Variants in ZC3H12B observed in about 807,000 individuals in gnomAD.
ZC3H12B encodes zinc finger CCCH-type containing 12B, also known as probable ribonuclease ZC3H12B.
Under a neutral mutation model 43.9 loss-of-function variants are expected in ZC3H12B, and 7 were observed. That is an observed-to-expected ratio of 0.16 (90% CI 0.09 to 0.30). The LOEUF (loss-of-function observed/expected upper bound fraction) is 0.30. Ranked by LOEUF, ZC3H12B falls within the 10% of genes least tolerant of loss-of-function variation. The pLI, the probability that ZC3H12B is intolerant of heterozygous loss-of-function variation, is 1.00. For synonymous variants in ZC3H12B, 222 were observed against 241.7 expected (o/e 0.92, Z 0.76); for missense variants, 475 against 670.2 (o/e 0.71, Z 3.22).
the ZC3H12B span, among the ~76,000 whole-genome samples, chrX:65,290,992 C>A: frequency 9.0e-6 from 1 of 111,123 alleles, no homozygotes; most frequent in East Asian, 2.8e-4. Flanking sequence ...GATGGACATG[C>A]TAAATACCGT....
the ZC3H12B span, among the ~76,000 whole-genome samples, chrX:65,164,193 C>T: frequency 1.8e-5 from 2 of 111,105 alleles, no homozygotes; most frequent in East Asian, 5.7e-4. Context: ...TTTTGGTGGC[C>T]AGGGACTAGG....
At chrX:65,213,700 T>A in the ZC3H12B span, among the ~76,000 whole-genome samples, 1 of 110,241 alleles carries the variant, frequency 9.1e-6, no homozygotes, top group Non-Finnish European at 1.9e-5. Flanking sequence ...CAGCATGTTG[T>A]CATGTTTTTT....
rs759062956 is a variant in ZC3H12B, at chrX:65,394,506, G to C, written n.296-4087G>C. 1.4e-3 allele frequency among the ~76,000 whole-genome samples: 157 copies of C among 111,836 alleles called. 1 individual carries two copies. Among genetic ancestry groups the C allele is most frequent in the African/African-American group, 5.0e-3 (155 of 30,825 alleles). ...TTGTCAGGTTTGTCAAAGATCAGAT[G>C]GTTGTAGATGTGTGGTGTTATTTCT... On this transcript the variant is annotated intron_variant and non_coding_transcript_variant, in intron 2 of 5. Transcript: ENST00000617377.
chrX:65,248,365 T>C, the ZC3H12B span, among the ~76,000 whole-genome samples: 1 of 111,455 alleles, frequency 9.0e-6, no homozygotes, highest in Middle Eastern at 4.2e-3. Flanking sequence ...TGGGAAAGCT[T>C]CCTTCATCAG....
chrX:65,152,180 G>T, the ZC3H12B span, among the ~76,000 whole-genome samples: 1 of 111,655 alleles, frequency 9.0e-6, no homozygotes, highest in Non-Finnish European at 1.9e-5. Context: ...ACAAGACAGG[G>T]ATGCCCTCTC....
At chrX:65,200,488 A>T in the ZC3H12B span, among the ~76,000 whole-genome samples, 2 of 83,159 alleles carry the variant, frequency 2.4e-5, no homozygotes, top group African/African-American at 1.0e-4. Flanking sequence ...GCTGGAGTGT[A>T]GTGGCATCAT....
intron 3 of ZC3H12B, among the ~76,000 whole-genome samples, chrX:65,428,579 T>C (rs2067112671): frequency 8.9e-6 from 1 of 112,966 alleles, no homozygotes; most frequent in Admixed American, 9.3e-5. Flanking sequence ...TGTGAAGTTC[T>C]TGTAGTTTGT....
At chrX:65,214,371 T>G in the ZC3H12B span, among the ~76,000 whole-genome samples, 1 of 112,177 alleles carries the variant, frequency 8.9e-6, no homozygotes, top group Non-Finnish European at 1.9e-5. Context: ...TCCTCTAAAA[T>G]TTTGCTGCTT....
At chrX:65,172,338 C>A in the ZC3H12B span, among the ~76,000 whole-genome samples, 8 of 111,356 alleles carry the variant, frequency 7.2e-5, no homozygotes, top group South Asian at 3.9e-4. Context: ...AGATATTAGA[C>A]CTTTTTCTGG....
At chrX:65,206,404 A>T in the ZC3H12B span, among the ~76,000 whole-genome samples, 1 of 112,049 alleles carries the variant, frequency 8.9e-6, no homozygotes. Flanking sequence ...AAAAACATAA[A>T]GTAGGGAAAG....
the ZC3H12B span, among the ~76,000 whole-genome samples, chrX:65,344,792 G>A: frequency 8.9e-6 from 1 of 112,231 alleles, no homozygotes; most frequent in African/African-American, 3.2e-5. Flanking sequence ...ACAAATGGGA[G>A]AACATTTTTG....
the ZC3H12B span, among the ~76,000 whole-genome samples, chrX:65,104,356 A>G: frequency 8.9e-6 from 1 of 112,192 alleles, no homozygotes; most frequent in East Asian, 2.8e-4. Flanking sequence ...GGCATGGGCA[A>G]AGACTTCATG....
At chrX:65,076,331 G>T in the ZC3H12B span, among the ~76,000 whole-genome samples, 4 of 110,125 alleles carry the variant, frequency 3.6e-5, no homozygotes, top group African/African-American at 1.3e-4. Flanking sequence ...TAGAGATCAG[G>T]TCTCACTATG....
At chrX:65,141,875 A>G in the ZC3H12B span, among the ~76,000 whole-genome samples, 2 of 111,815 alleles carry the variant, frequency 1.8e-5, no homozygotes, top group African/African-American at 6.5e-5. Flanking sequence ...GTAGTAGTCC[A>G]CTGTATATAT....
At chrX:65,292,512 G>A in the ZC3H12B span, among the ~76,000 whole-genome samples, 2 of 111,394 alleles carry the variant, frequency 1.8e-5, no homozygotes, top group African/African-American at 6.5e-5. Context: ...GGATCTAATG[G>A]ATGCTGGGCT....
the ZC3H12B span, among the ~76,000 whole-genome samples, chrX:65,280,889 C>CA: frequency 1.8e-5 from 2 of 111,925 alleles, no homozygotes; most frequent in African/African-American, 6.5e-5. Context: ...AAAGATTATA[C>CA]AAACAAATGG....
the ZC3H12B span, among the ~76,000 whole-genome samples, chrX:65,138,408 G>T: frequency 9.0e-6 from 1 of 111,228 alleles, no homozygotes; most frequent in Non-Finnish European, 1.9e-5. Flanking sequence ...CAAATGACAG[G>T]ATTTTCTACT....
chrX:65,381,289 A>T (rs1602348102), intron 2 of ZC3H12B, among the ~76,000 whole-genome samples: 1 of 112,052 alleles, frequency 8.9e-6, no homozygotes, highest in African/African-American at 3.2e-5. Flanking sequence ...AGAACTCAGG[A>T]TTAAGAAACT....
chrX:65,360,019 T>C, the ZC3H12B span, among the ~76,000 whole-genome samples: 1 of 111,962 alleles, frequency 8.9e-6, no homozygotes, highest in Non-Finnish European at 1.9e-5. Context: ...GGCAAGACCC[T>C]CCATCAGTAA....
Sources: gnomAD v4.1 joint callset for allele counts (sites outside exome capture counted in the v4.1 genomes callset) on GRCh38, gnomAD v4.1.1 for gene constraint, MANE v1.5 for transcripts, NCBI Gene and HGNC (gene_info 2026-07-23, HGNC 2026-07-21) for gene names.